The following GAN variants were observed in gnomAD, a reference collection of about 807,000 sequenced individuals.
GAN encodes gigaxonin.
A neutral mutation model predicts 71.3 loss-of-function variants in GAN; 48 were observed. The ratio of observed to expected loss-of-function variants is 0.67; its 90% CI spans 0.53 to 0.86. The LOEUF (loss-of-function observed/expected upper bound fraction) is 0.86, where lower values mean the gene tolerates loss of function less well. GAN is among the 40% of genes least tolerant of loss of function. The pLI is 0.00. For synonymous variants in GAN, 386 were observed against 276.8 expected, an observed-to-expected ratio of 1.39 and a Z score of -3.92; for missense variants, 928 against 770.1, an observed-to-expected ratio of 1.21 and a Z score of -2.43.
intron 9 of GAN, among the ~76,000 whole-genome samples, chr16:81,366,186 C>T (rs1910851646): frequency 6.6e-6 from 1 of 152,184 alleles, no homozygotes; most frequent in Non-Finnish European, 1.5e-5. Flanking sequence ...CCAGACAAGT[C>T]TCTGGGGTTG....
intron 9 of GAN, among the ~76,000 whole-genome samples, chr16:81,376,955 C>G (rs1041297217): frequency 6.6e-6 from 1 of 152,190 alleles, no homozygotes; most frequent in Non-Finnish European, 1.5e-5. Flanking sequence ...GTGGATGAAT[C>G]TCAGAAACCT....
chr16:81,365,731 C>G (rs1910834762), intron 9 of GAN, among the ~76,000 whole-genome samples: 1 of 151,596 alleles, frequency 6.6e-6, no homozygotes, highest in Non-Finnish European at 1.5e-5. Flanking sequence ...TATTGGCTCC[C>G]TATAGCTTTT....
rs1904290598 is a variant in GAN at position 81,378,691 on chromosome 16, T to G, written c.*1095T>G. On this transcript the variant is annotated 3_prime_UTR_variant, in exon 11 of 11. Coordinates refer to ENST00000648994, the MANE Select transcript of GAN (RefSeq NM_022041.4). ...CCAGTGGCATTCACTAGTGAGAGTT[T>G]TAGACAAATTATGTTACGAGTAAAG... The G allele has an allele frequency of 6.6e-6, 1 of 152,642 alleles. No homozygotes were observed. The highest frequency in any genetic ancestry group is 2.4e-5 in the African/African-American group (1 of 41,452). 9.5% of individuals were successfully genotyped at this position (152,642 alleles called of 1,614,324 possible).
At chr16:81,336,876 A>ACGAGGG (rs1421258533) in intron 1 of GAN, among the ~76,000 whole-genome samples, 1 of 151,812 alleles carries the variant, frequency 6.6e-6, no homozygotes, top group African/African-American at 2.4e-5. Context: ...AGCCTCCCCC[A>ACGAGGG]TTATCAGTAT....
chr16:81,349,377 G>C (rs1018067168), intron 1 of GAN, among the ~76,000 whole-genome samples: 1 of 152,112 alleles, frequency 6.6e-6, no homozygotes, highest in Non-Finnish European at 1.5e-5. Flanking sequence ...GGCTGGGTGC[G>C]GTGGCTCATG....
chr16:81,336,756 G>A (rs1273885914), intron 1 of GAN, among the ~76,000 whole-genome samples: 1 of 152,096 alleles, frequency 6.6e-6, no homozygotes. Context: ...GGGATTGTAG[G>A]TGTGAGCCAC....
intron 5 of GAN, among the ~76,000 whole-genome samples, chr16:81,361,552 C>G (rs1910672884): frequency 6.6e-6 from 1 of 152,134 alleles, no homozygotes; most frequent in Admixed American, 6.5e-5. Context: ...TTTTTCATCC[C>G]CAGGACAAAA....
rs904263431 is a variant in GAN, at chr16:81,382,093, C to A, written c.*4497C>A. ...TATGGGTGTCAAAATCTTTCCAGGA[C>A]ATACCCCTTTGATCCTCACACCTCT... On this transcript the variant is annotated 3_prime_UTR_variant, in exon 11 of 11. Transcript: ENST00000648994. 1.1e-4 allele frequency: 16 copies of A among 152,160 alleles called. No homozygotes were observed. The highest frequency in any genetic ancestry group is 3.9e-4 in the African/African-American group (16 of 41,430). The allele number at this position is 152,160 out of a possible 1,614,324, so 9.4% of individuals were successfully genotyped here.
intron 1 of GAN, among the ~76,000 whole-genome samples, chr16:81,341,666 C>G (rs1003124126): frequency 2.1e-4 from 32 of 152,258 alleles, no homozygotes; most frequent in African/African-American, 7.7e-4. Flanking sequence ...CCGGTACCAG[C>G]CACTGTAAAA....
chr16:81,362,465 C>T (rs752616238), intron 5 of GAN, 34 bp from the exon 6 acceptor site: 19 of 1,109,172 alleles, frequency 1.7e-5, no homozygotes, highest in Admixed American at 5.1e-5. Context: ...TGAAGACTCA[C>T]ATTTCATATT....
rs772065469 is a variant in GAN at position 81,377,431 on chromosome 16, C to T, written c.1629C>T (p.Tyr543=). Residue 543 remains tyrosine, a synonymous_variant, in exon 11 of 11, where the codon TAC becomes TAT. Transcript: ENST00000648994. ...GDLDTGTNYD[Y]VREFKRSTGT... is the part of the protein sequence containing the mutation. Reference sequence around the variant, plus strand: ...GTGGCTTAGGTACCAATTACGACTACGTGCGTGAGTTTAAAAGAAGCACAG... The same window carrying T: ...GTGGCTTAGGTACCAATTACGACTATGTGCGTGAGTTTAAAAGAAGCACAG... 2.7e-5 allele frequency: 44 copies of T among 1,613,802 alleles called. No homozygotes were observed. Among genetic ancestry groups the T allele is most frequent in the Admixed American group, 3.3e-5 (2 of 60,002 alleles).
intron 1 of GAN, among the ~76,000 whole-genome samples, chr16:81,321,736 A>G (rs1281259870): frequency 6.6e-5 from 10 of 152,200 alleles, no homozygotes; most frequent in African/African-American, 2.4e-5. Context: ...AAGACACAAG[A>G]CTATCATTTT....
rs1461125300 is a variant in GAN, at chr16:81,384,342, C to A, written c.*6746C>A. ...GAAAAGAAAAAAAAGCACTTACAAC[C>A]AGGAGGAATAATAATTCTCCTAGAG... is the stretch of plus-strand genomic sequence containing the variant. On this transcript the variant is annotated 3_prime_UTR_variant, in exon 11 of 11. Transcript: ENST00000648994. 1 of 151,220 alleles carries A rather than the reference C, an allele frequency of 6.6e-6. No individual in the cohort carries two copies. The highest frequency in any genetic ancestry group is 1.5e-5 in the Non-Finnish European group (1 of 67,822). 9.4% of individuals were successfully genotyped at this position (151,220 alleles called of 1,614,324 possible).
At chr16:81,372,047 C>G (rs892940125) in intron 9 of GAN, 5 of 152,238 alleles carry the variant, frequency 3.3e-5, no homozygotes, top group African/African-American at 4.8e-5. Flanking sequence ...AATTGATTGC[C>G]CTCTTTTCCT....
intron 6 of GAN, 136 bp downstream of exon 6, chr16:81,362,747 C>G: frequency 8.5e-6 from 6 of 704,542 alleles, no homozygotes; most frequent in South Asian, 3.0e-5. Flanking sequence ...ACCTCTCCTT[C>G]TAGTGCCCGG....
intron 1 of GAN, among the ~76,000 whole-genome samples, chr16:81,350,229 G>C (rs1462320283): frequency 2.0e-5 from 3 of 152,168 alleles, no homozygotes; most frequent in Non-Finnish European, 2.9e-5. Context: ...TTTTGCAAAA[G>C]GGGAAACGTG....
In GAN at chr16:81,389,382, T is replaced by C. The variant is rs532988405; in HGVS notation, c.*11786T>C. ...AATTGTGACAACCATCCCGTAATCATTGTGGCCTCAGCAGAAGTTTTGAAC... is the reference window on the plus strand; with the variant it reads ...AATTGTGACAACCATCCCGTAATCACTGTGGCCTCAGCAGAAGTTTTGAAC... On this transcript the variant is annotated 3_prime_UTR_variant, in exon 11 of 11. Coordinates refer to ENST00000648994, the MANE Select transcript of GAN (RefSeq NM_022041.4). The C allele has an allele frequency of 5.9e-5, 9 of 152,356 alleles. No homozygotes were observed. Among genetic ancestry groups the C allele is most frequent in the South Asian group, 2.1e-4 (1 of 4,832 alleles). 9.4% of individuals were successfully genotyped at this position (152,356 alleles called of 1,614,324 possible).
At chr16:81,370,919 G>C (rs971157396) in intron 9 of GAN, among the ~76,000 whole-genome samples, 47 of 152,262 alleles carry the variant, frequency 3.1e-4, no homozygotes, top group African/African-American at 9.4e-4. Flanking sequence ...GCTTTTCTAA[G>C]GCACACCATG....
chr16:81,342,145 G>T (rs1909964344), intron 1 of GAN, among the ~76,000 whole-genome samples: 1 of 152,166 alleles, frequency 6.6e-6, no homozygotes, highest in South Asian at 2.1e-4. Flanking sequence ...AGTTCTTAGA[G>T]ACCTACAAAG....
Sources: gnomAD v4.1 joint callset for allele counts (sites outside exome capture counted in the v4.1 genomes callset) on GRCh38, gnomAD v4.1.1 for gene constraint, MANE v1.5 for transcripts, NCBI Gene and HGNC (gene_info 2026-07-23, HGNC 2026-07-21) for gene names.